The following HPSE2 variants were observed in gnomAD, a reference collection of about 807,000 sequenced individuals.
HPSE2 encodes heparanase 2 (inactive), also known as inactive heparanase-2.
Under a neutral mutation model 60.5 loss-of-function variants are expected in HPSE2, and 38 were observed. That is an observed-to-expected ratio of 0.63 (90% CI 0.48 to 0.82). The LOEUF is 0.82. HPSE2 is among the 40% of genes least tolerant of loss of function. The pLI is 0.00. For missense variants in HPSE2, 713 were observed against 740.4 expected, an observed-to-expected ratio of 0.96 and a Z score of 0.43; for synonymous variants, 295 against 293.2, an observed-to-expected ratio of 1.01 and a Z score of -0.06.
At chr10:99,110,956 T>G (rs1844434188) in intron 3 of HPSE2, among the ~76,000 whole-genome samples, 1 of 152,204 alleles carries the variant, frequency 6.6e-6, no homozygotes, top group African/African-American at 2.4e-5. Context: ...TTAATCCATT[T>G]TTAATCCATG....
chr10:99,047,121 GA>G (rs1235043910), intron 3 of HPSE2, among the ~76,000 whole-genome samples: 1 of 152,052 alleles, frequency 6.6e-6, no homozygotes, highest in African/African-American at 2.4e-5. Flanking sequence ...ATAAAAAACA[GA>G]CACACAGATC....
chr10:98,836,632 G>GA (rs1395844541), intron 3 of HPSE2, among the ~76,000 whole-genome samples: 1 of 152,202 alleles, frequency 6.6e-6, no homozygotes, highest in Non-Finnish European at 1.5e-5. Flanking sequence ...TCATGAGCAT[G>GA]AACTGAAGCT....
intron 3 of HPSE2, among the ~76,000 whole-genome samples, chr10:98,920,583 T>C (rs907354774): frequency 1.3e-5 from 2 of 152,082 alleles, no homozygotes; most frequent in Non-Finnish European, 2.9e-5. Context: ...CCCAGCCCAG[T>C]GTTTAACAGC....
chr10:98,610,625 T>C (rs1234557246), intron 9 of HPSE2, among the ~76,000 whole-genome samples: 2 of 152,222 alleles, frequency 1.3e-5, no homozygotes, highest in Non-Finnish European at 2.9e-5. Flanking sequence ...TAAATTTCCA[T>C]ACCACTGTGC....
chr10:98,872,115 G>GA (rs372968904), intron 3 of HPSE2, among the ~76,000 whole-genome samples: 12 of 152,034 alleles, frequency 7.9e-5, no homozygotes, highest in African/African-American at 2.7e-4. Context: ...TTACTATATG[G>GA]ACTAGTACTA....
At chr10:99,098,183 A>G (rs1564804207) in intron 3 of HPSE2, among the ~76,000 whole-genome samples, 1 of 152,232 alleles carries the variant, frequency 6.6e-6, no homozygotes, top group African/African-American at 2.4e-5. Flanking sequence ...GGAAATAAAT[A>G]ACTGAAAAGT....
intron 3 of HPSE2, among the ~76,000 whole-genome samples, chr10:99,027,744 T>C (rs1957411972): frequency 7.0e-6 from 1 of 142,208 alleles, no homozygotes; most frequent in Non-Finnish European, 1.5e-5. Context: ...TGAATACTGA[T>C]GCAAAAATCT....
the HPSE2 span, among the ~76,000 whole-genome samples, chr10:99,298,773 C>T: frequency 3.3e-5 from 5 of 151,438 alleles, no homozygotes; most frequent in African/African-American, 9.7e-5. Flanking sequence ...CTTCCGGGTT[C>T]GAGAGATTCT....
At chr10:98,607,475 C>T (rs1945626523) in intron 9 of HPSE2, among the ~76,000 whole-genome samples, 1 of 152,088 alleles carries the variant, frequency 6.6e-6, no homozygotes, top group Non-Finnish European at 1.5e-5. Flanking sequence ...GCTTATTGGG[C>T]CATTTATAAA....
chr10:99,211,605 T>C (rs1015560290), intron 2 of HPSE2, among the ~76,000 whole-genome samples: 5 of 151,886 alleles, frequency 3.3e-5, no homozygotes, highest in Non-Finnish European at 4.4e-5. Context: ...GAACAGGCAA[T>C]AGGGAAAAGA....
intron 9 of HPSE2, among the ~76,000 whole-genome samples, chr10:98,537,995 A>T (rs1391149441): frequency 6.6e-6 from 1 of 152,236 alleles, no homozygotes; most frequent in African/African-American, 2.4e-5. Context: ...ACACTGACGT[A>T]TGCTGCCTTC....
intron 9 of HPSE2, among the ~76,000 whole-genome samples, chr10:98,558,822 C>T (rs1228166806): frequency 6.6e-6 from 1 of 152,172 alleles, no homozygotes; most frequent in East Asian, 1.9e-4. Flanking sequence ...GAGATTTCAC[C>T]AAAAAATACA....
rs56091142 is a variant in HPSE2, at chr10:98,518,712, G to GAAA, written c.1321-28519_1321-28517dup. On this transcript the variant is annotated intron_variant, in intron 9 of 11. Transcript: ENST00000370552. ...ACAGAGTGAGACTCCATCCCACGAG[G>GAAA]AAAAAAAAAAAAAGATGATACTTTA... Among the ~76,000 whole-genome samples the GAAA allele has an allele frequency of 1.9e-3, 285 of 147,116 alleles. 3 individuals carry two copies. The highest frequency in any genetic ancestry group is 7.0e-3 in the Middle Eastern group (2 of 284).
At chr10:98,777,914 A>T (rs1244112077) in intron 3 of HPSE2, among the ~76,000 whole-genome samples, 1 of 152,090 alleles carries the variant, frequency 6.6e-6, no homozygotes, top group Non-Finnish European at 1.5e-5. Context: ...GTGGTCCTTC[A>T]TGGCACAGGT....
chr10:99,206,265 T>C (rs1318315290), intron 2 of HPSE2, among the ~76,000 whole-genome samples: 1 of 152,210 alleles, frequency 6.6e-6, no homozygotes. Flanking sequence ...ATAAGGCTTC[T>C]GGTCAAAAGA....
At chr10:99,307,294 TG>T in the HPSE2 span, among the ~76,000 whole-genome samples, 2 of 152,244 alleles carry the variant, frequency 1.3e-5, no homozygotes, top group Non-Finnish European at 2.9e-5. Flanking sequence ...GATTTATCTG[TG>T]TGTTTTATAT....
chr10:99,113,797 T>C (rs1844567227), intron 3 of HPSE2, among the ~76,000 whole-genome samples: 1 of 152,254 alleles, frequency 6.6e-6, no homozygotes, highest in African/African-American at 2.4e-5. Flanking sequence ...ACAAGTGCAG[T>C]TGTGTTACAT....
intron 3 of HPSE2, among the ~76,000 whole-genome samples, chr10:98,936,767 T>A (rs112329477): frequency 0.02 from 2,804 of 141,712 alleles, 639 homozygotes; most frequent in African/African-American, 0.077. Context: ...GATTATGAGG[T>A]CAGAAGTTCA....
chr10:99,239,781 A>G (rs2133962567), upstream of HPSE2, among the ~76,000 whole-genome samples: 1 of 152,128 alleles, frequency 6.6e-6, no homozygotes, highest in East Asian at 1.9e-4. Flanking sequence ...AAAAACTGTC[A>G]ACTACTTATC....
Sources: gnomAD v4.1 joint callset for allele counts (sites outside exome capture counted in the v4.1 genomes callset) on GRCh38, gnomAD v4.1.1 for gene constraint, MANE v1.5 for transcripts, NCBI Gene and HGNC (gene_info 2026-07-23, HGNC 2026-07-21) for gene names.